Variants in MPP7 observed in about 807,000 individuals in gnomAD.
MPP7 encodes MAGUK p55 scaffold protein 7.
In MPP7, 60 loss-of-function variants were observed where a neutral mutation model predicts 76.5. The ratio of observed to expected loss-of-function variants is 0.78; its 90% CI spans 0.64 to 0.97. The LOEUF (loss-of-function observed/expected upper bound fraction) is 0.97. MPP7 is among the 50% of genes least tolerant of loss of function. The probability of loss-of-function intolerance (pLI) is 0.00; values close to 1 mark genes in which losing one functional copy is unlikely to be tolerated. For synonymous variants in MPP7, 237 were observed against 244.5 expected (o/e 0.97, Z 0.29); for missense variants, 641 against 694.0 (o/e 0.92, Z 0.86).
intron 6 of MPP7, 144 bp downstream of exon 6, chr10:28,131,416 A>T (rs1001642876): frequency 7.9e-6 from 5 of 635,348 alleles, no homozygotes; most frequent in Non-Finnish European, 1.1e-5. Flanking sequence ...ATTTTTCAAA[A>T]GCATGTTCTT....
chr10:28,140,472 CT>C (rs1270111547), intron 5 of MPP7, among the ~76,000 whole-genome samples: 4 of 151,920 alleles, frequency 2.6e-5, no homozygotes, highest in African/African-American at 9.7e-5. Flanking sequence ...GATCGCGCCA[CT>C]GTACGTCAGC....
At chr10:28,088,804 A>G (rs7897585) in intron 12 of MPP7, among the ~76,000 whole-genome samples, 51,231 of 152,074 alleles carry the variant, frequency 0.34, 11,768 homozygotes, top group East Asian at 0.95. Flanking sequence ...TGAAGGGTGC[A>G]CAAGATAGAT....
chr10:28,107,179 C>T (rs1318450704), intron 11 of MPP7, among the ~76,000 whole-genome samples: 1 of 152,104 alleles, frequency 6.6e-6, no homozygotes. Context: ...ATGTCCAGTG[C>T]TCTTTCCGTG....
Position 28,315,981 on chromosome 10 carries a change from G to A in MPP7, c.-132+13948C>T, listed in dbSNP as rs1249500. Among the ~76,000 whole-genome samples, 382 of 152,126 alleles carry A rather than the reference G, an allele frequency of 2.5e-3. 1 individual carries two copies. Among genetic ancestry groups the A allele is most frequent in the African/African-American group, 8.9e-3 (370 of 41,476 alleles). ...CCAATCAAGGGGCATTTTACAATAG[G>A]CTTGACCAGTACTCCTCAAAATTGC... On this transcript the variant is annotated intron_variant, in intron 2 of 11. Transcript: ENST00000441595.
intron 1 of MPP7, among the ~76,000 whole-genome samples, chr10:28,267,963 G>A (rs879766909): frequency 7.2e-5 from 11 of 152,092 alleles, no homozygotes; most frequent in Non-Finnish European, 1.6e-4. Context: ...TGGGACGTGG[G>A]AAGTCGAGGC....
chr10:28,229,810 A>G (rs1838817932), intron 2 of MPP7, among the ~76,000 whole-genome samples: 1 of 150,612 alleles, frequency 6.6e-6, no homozygotes, highest in Non-Finnish European at 1.5e-5. Context: ...AATGGCGTGA[A>G]CCCGGGAGGC....
intron 2 of MPP7, among the ~76,000 whole-genome samples, chr10:28,205,598 T>C (rs1344999458): frequency 6.6e-6 from 1 of 152,050 alleles, no homozygotes; most frequent in Admixed American, 6.6e-5. Flanking sequence ...GCTCTAAAGA[T>C]CTAAGAAAAA....
intron 1 of MPP7, among the ~76,000 whole-genome samples, chr10:28,269,138 T>A (rs1840240919): frequency 6.6e-6 from 1 of 152,208 alleles, no homozygotes; most frequent in African/African-American, 2.4e-5. Context: ...ATAAATACTT[T>A]ACGTCTCTAA....
chr10:28,263,456 T>C (rs954161133), intron 1 of MPP7, among the ~76,000 whole-genome samples: 1 of 152,202 alleles, frequency 6.6e-6, no homozygotes, highest in African/African-American at 2.4e-5. Context: ...CCGACCTTGA[T>C]CCACCACTGC....
intron 11 of MPP7, chr10:28,118,442 T>G: frequency 3.0e-6 from 3 of 984,912 alleles, no homozygotes; most frequent in Non-Finnish European, 3.6e-6. Context: ...AAGTGACACA[T>G]TATCTTATCC....
intron 3 of MPP7, among the ~76,000 whole-genome samples, chr10:28,157,247 AG>A (rs1836096602): frequency 6.6e-6 from 1 of 152,102 alleles, no homozygotes; most frequent in Non-Finnish European, 1.5e-5. Flanking sequence ...GAAAAGAAAA[AG>A]AGTAACCGTC....
upstream of MPP7, chr10:28,305,273 T>C (rs1485350150): frequency 6.6e-6 from 1 of 152,136 alleles, no homozygotes; most frequent in Non-Finnish European, 1.5e-5. Flanking sequence ...ACTAGACAGG[T>C]TGGAGAAGGA....
chr10:28,325,337 G>A (rs1050542436), intron 2 of MPP7, among the ~76,000 whole-genome samples: 4 of 151,990 alleles, frequency 2.6e-5, no homozygotes, highest in Non-Finnish European at 5.9e-5. Flanking sequence ...AGGGAATAAG[G>A]AATAACTTGT....
At chr10:28,244,809 GGGA>G (rs1839380022) in intron 1 of MPP7, among the ~76,000 whole-genome samples, 1 of 152,134 alleles carries the variant, frequency 6.6e-6, no homozygotes, top group Admixed American at 6.5e-5. Context: ...AAGACCCTTA[GGGA>G]CTCATCTAGT....
chr10:28,074,562 G>C (rs183153055), intron 12 of MPP7, among the ~76,000 whole-genome samples: 8 of 152,280 alleles, frequency 5.3e-5, no homozygotes, highest in African/African-American at 1.7e-4. Flanking sequence ...TTCCCAAAGC[G>C]CTGGGATTAC....
intron 13 of MPP7, among the ~76,000 whole-genome samples, chr10:28,062,085 G>T (rs1440061505): frequency 1.3e-5 from 2 of 152,090 alleles, no homozygotes; most frequent in Non-Finnish European, 2.9e-5. Context: ...ACAAATAATT[G>T]TGTAAATGTA....
At chr10:28,091,698 C>T (rs529541702) in intron 11 of MPP7, among the ~76,000 whole-genome samples, 21 of 152,148 alleles carry the variant, frequency 1.4e-4, no homozygotes, top group Admixed American at 7.9e-4. Context: ...TCTGTGGGTT[C>T]CATCCATGTG....
In MPP7 at chr10:28,056,502, T is replaced by C. The variant is rs371112105; in HGVS notation, c.1529A>G (p.Gln510Arg). 3 of 1,612,810 alleles carry C rather than the reference T, an allele frequency of 1.9e-6. No individual in the cohort carries two copies. The highest frequency in any genetic ancestry group is 2.5e-6 in the Non-Finnish European group (3 of 1,179,744). The change falls in exon 16 of 17, where the codon CAA (glutamine) becomes CGA (arginine). Residue 510 changes from glutamine (Q) to arginine (R), a missense_variant. Coordinates refer to ENST00000683449, the MANE Select transcript of MPP7 (RefSeq NM_001318170.2). ...TACTGTGAAGGGTTTTGCAGCACCT[T>C]GGTCATCTCTGCTTGAAATAATCTT... ...NAKIISSRDD[Q>R]GAAKPFTEED...
At position 28,131,649 on chromosome 10, in the gene MPP7, C is replaced by T. The variant is rs767641039; in HGVS notation, c.358G>A (p.Asp120Asn). The T allele has an allele frequency of 3.7e-6, 6 of 1,602,780 alleles. No homozygotes were observed. Among genetic ancestry groups the T allele is most frequent in the African/African-American group, 1.3e-5 (1 of 74,488 alleles). Residue 120 changes from aspartate to asparagine, a missense_variant, in exon 6 of 17, where the codon GAC (aspartate) becomes AAC (asparagine). By Grantham distance (23) the Asp-to-Asn change is conservative. Transcript: ENST00000683449. Reference protein sequence around the residue: ...VHDTVAQKNYDPVLPPMPEDI... With the variant: ...VHDTVAQKNYNPVLPPMPEDI... ...TCAGGCATAGGAGGCAACACTGGGT[C>T]GTAATTCTTCTGAGCCACAGTATCA...
Sources: allele counts gnomAD v4.1 joint callset (sites outside exome capture counted in the v4.1 genomes callset), GRCh38; gene constraint gnomAD v4.1.1; transcripts MANE v1.5; gene names NCBI Gene and HGNC (gene_info 2026-07-23, HGNC 2026-07-21).